ZNF888: variants seen among roughly 807,000 people sequenced by gnomAD.
ZNF888 encodes the protein CTD-2331H12.6.
Under a neutral mutation model 7.2 loss-of-function variants are expected in ZNF888, and 5 were observed. That is an observed-to-expected ratio of 0.70 (90% CI 0.36 to 1.46). The LOEUF (loss-of-function observed/expected upper bound fraction) is 1.46. Among genes scored for constraint, ZNF888 ranks in the 40% most tolerant of loss-of-function variants. The probability of loss-of-function intolerance (pLI) is 0.03; values close to 1 mark genes in which losing one functional copy is unlikely to be tolerated. For synonymous variants in ZNF888, 240 were observed against 284.3 expected, an observed-to-expected ratio of 0.84 and a Z score of 1.57; for missense variants, 716 against 858.0, an observed-to-expected ratio of 0.83 and a Z score of 2.07.
In ZNF888 at chr19:52,917,524, G is replaced by A; in HGVS notation, c.15+335C>T. On this transcript the variant is annotated intron_variant, in intron 3 of 4. Coordinates refer to ENST00000638862, the MANE Select transcript of ZNF888 (RefSeq NM_001393938.1). Reference sequence around the variant, plus strand: ...TCCATTGGCAGCTACTCTAATCTTGGTCCACAGAAAACTGACAGTGCATCC... The same window carrying A: ...TCCATTGGCAGCTACTCTAATCTTGATCCACAGAAAACTGACAGTGCATCC... 10 of 659,078 alleles carry A rather than the reference G, an allele frequency of 1.5e-5. No homozygotes were observed. In the South Asian group the frequency reaches 1.7e-4, roughly 11 times the overall value. The allele number at this position is 659,078 out of a possible 1,614,324, so 40.8% of individuals were successfully genotyped here.
Position 52,906,618 on chromosome 19 carries a change from A to G in ZNF888, c.1704T>C (p.His568=), listed in dbSNP as rs1202059542. 4 of 1,613,590 alleles carry G rather than the reference A, an allele frequency of 2.5e-6. No individual in the cohort carries two copies. Among genetic ancestry groups the G allele is most frequent in the East Asian group, 4.5e-5 (2 of 44,806 alleles). The change falls in exon 5 of 5, where the codon CAT becomes CAC. Residue 568 remains histidine, a synonymous_variant. Coordinates refer to ENST00000638862, the MANE Select transcript of ZNF888 (RefSeq NM_001393938.1). ...GTTTCTCTCCAGTATGAAGTCTATG[A>G]TGATATGCAAGGCTTGATTTGTGAT... ...SFNHKSSLAY[H]HRLHTGEKPY...
rs962233073 is a variant in ZNF888 at position 52,907,096 on chromosome 19, G to A, written c.1226C>T (p.Pro409Leu). 6.2e-7 allele frequency: 1 copy of A among 1,611,780 alleles called. No individual in the cohort carries two copies. The highest frequency in any genetic ancestry group is 8.5e-7 in the Non-Finnish European group (1 of 1,179,530). The change falls in exon 5 of 5, where the codon CCT (proline) becomes CTT (leucine). Residue 409 changes from proline (P) to leucine (L), a missense_variant. Pro to Leu is a moderately conservative substitution (Grantham distance 98). Transcript: ENST00000638862. Reference protein sequence around the residue: ...QHIVIHTREKPYKCNECGKTF... With the variant: ...QHIVIHTREKLYKCNECGKTF... ...TTTGCCACACTCATTACACTTGTAA[G>A]GTTTCTCTCTAGTGTGAATTACAAT...
rs545420574 is a variant in ZNF888 at position 52,907,202 on chromosome 19, T to C, written c.1120A>G (p.Arg374Gly). The C allele has an allele frequency of 8.2e-4, 1,325 of 1,613,290 alleles. 3 individuals are homozygous for C. The highest frequency in any genetic ancestry group is 1.1e-3 in the Non-Finnish European group (1,241 of 1,179,784). Residue 374 changes from arginine to glycine, a missense_variant, in exon 5 of 5, where the codon AGA becomes GGA. Physicochemically the swap from Arg to Gly is moderately radical, Grantham distance 125 (BLOSUM62 -2). Transcript: ENST00000638862. ...SRKSYLERHR[R>G]IHTGEKPYKC... ...TATGGTTTCTCACCAGTGTGAATTC[T>C]CCTATGTCTTTCAAGGTATGATTTG...
chr19:52,911,463 T>C (rs1006509026), intron 4 of ZNF888, among the ~76,000 whole-genome samples: 16 of 151,184 alleles, frequency 1.1e-4, no homozygotes, highest in East Asian at 6.0e-4. Context: ...CTCAGCCTCC[T>C]GAGTAGCTGG....
rs1185940152 is a variant in ZNF888, at chr19:52,906,243, A to G, written c.2079T>C (p.Ser693=). Residue 693 remains serine, a synonymous_variant, in exon 5 of 5, where the codon AGT becomes AGC. Transcript: ENST00000638862. ...GTGCACGAAAGGCTTTGCCACACTC[A>G]CTACACTTGAAAGGTTTCTCTCCAG... The part of the protein sequence containing the change: ...IHTGEKPFKC[S]ECGKAFRAQS... 45 of 1,601,844 alleles carry G rather than the reference A, an allele frequency of 2.8e-5. No homozygotes were observed. Among genetic ancestry groups the G allele is most frequent in the Non-Finnish European group, 3.8e-5 (45 of 1,178,032 alleles).
In ZNF888 at chr19:52,906,482, C is replaced by T. The variant is rs1200005500; in HGVS notation, c.1840G>A (p.Val614Ile). 1 of 1,613,504 alleles carries T rather than the reference C, an allele frequency of 6.2e-7. No homozygotes were observed. Among genetic ancestry groups the T allele is most frequent in the South Asian group, 1.1e-5 (1 of 91,032 alleles). The change falls in exon 5 of 5, where the codon GTT (valine) becomes ATT (isoleucine). Residue 614 changes from valine to isoleucine, a missense_variant. Physicochemically the swap from Val to Ile is conservative, Grantham distance 29. Coordinates refer to ENST00000638862, the MANE Select transcript of ZNF888 (RefSeq NM_001393938.1). ...TCAAGGTGTGATTTGATATTGAAAA[C>T]TTTGTCACATTCTTCACATTTGTAA... The part of the protein sequence containing the change: ...KPYKCEECDK[V>I]FNIKSHLEIH...
In ZNF888 at chr19:52,907,289, G is replaced by C. The variant is rs2064622017; in HGVS notation, c.1033C>G (p.His345Asp). The C allele has an allele frequency of 1.2e-6, 2 of 1,612,650 alleles. No individual in the cohort carries two copies. The highest frequency in any genetic ancestry group is 1.7e-6 in the Non-Finnish European group (2 of 1,179,658). Residue 345 changes from histidine to aspartate, a missense_variant, in exon 5 of 5, where the codon CAT (histidine) becomes GAT (aspartate). Coordinates refer to ENST00000638862, the MANE Select transcript of ZNF888 (RefSeq NM_001393938.1). The part of the protein sequence containing the change: ...FNQQSNLARH[H>D]RVHTGEKPYQ... Reference sequence around the variant, plus strand: ...GGTTTCTCTCCAGTATGAACTCTATGATGACGTGCAAGGTTTGATTGTTGA... The same window carrying C: ...GGTTTCTCTCCAGTATGAACTCTATCATGACGTGCAAGGTTTGATTGTTGA...
At chr19:52,909,355 G>C (rs10414664) in intron 4 of ZNF888, among the ~76,000 whole-genome samples, 23,170 of 151,162 alleles carry the variant, frequency 0.15, 3,310 homozygotes, top group African/African-American at 0.38. Flanking sequence ...TCAAGCGAGT[G>C]TCTTGCCTCA....
chr19:52,918,100 C>T (rs1312601782), intron 2 of ZNF888, 169 bp from the exon 3 acceptor site: 1 of 1,412,580 alleles, frequency 7.1e-7, no homozygotes, highest in Admixed American at 2.9e-5. Flanking sequence ...GGAAAACTCC[C>T]ACTCCCCTTC....
intron 1 of ZNF888, among the ~76,000 whole-genome samples, chr19:52,922,707 C>T (rs1228729674): frequency 6.6e-6 from 1 of 152,200 alleles, no homozygotes; most frequent in Non-Finnish European, 1.5e-5. Context: ...GTCTCCTGAT[C>T]CCTTTGGCCC....
At chr19:52,922,583 T>C (rs1163108827) in intron 1 of ZNF888, among the ~76,000 whole-genome samples, 3 of 152,186 alleles carry the variant, frequency 2.0e-5, no homozygotes, top group Non-Finnish European at 4.4e-5. Flanking sequence ...TTTTCACTTT[T>C]GCTGTCTCTT....
At position 52,905,260 on chromosome 19, in the gene ZNF888, C is replaced by T. The variant is rs2064593288; in HGVS notation, c.*905G>A. ...GACATTACCTTGTGAAATTCCTTCTCCTGGCTCATCCTGGCTCAAAAACTC... is the reference window on the plus strand; with the variant it reads ...GACATTACCTTGTGAAATTCCTTCTTCTGGCTCATCCTGGCTCAAAAACTC... On this transcript the variant is annotated 3_prime_UTR_variant, in exon 5 of 5. Transcript: ENST00000638862. 6.6e-6 allele frequency: 1 copy of T among 152,288 alleles called. No homozygotes were observed. Among genetic ancestry groups the T allele is most frequent in the Admixed American group, 6.5e-5 (1 of 15,290 alleles). The allele number at this position is 152,288 out of a possible 1,614,324, so 9.4% of individuals were successfully genotyped here. A position where few individuals can be genotyped will look rare whatever the true frequency, so the allele number is the denominator to read the frequency against.
At position 52,905,586 on chromosome 19, in the gene ZNF888, A is replaced by C. The variant is rs535824842; in HGVS notation, c.*579T>G. 1.2e-4 allele frequency: 41 copies of C among 339,300 alleles called. No individual in the cohort carries two copies. The East Asian group carries it at 2.3e-3, about 19-fold the overall frequency. 21.0% of individuals were successfully genotyped at this position (339,300 alleles called of 1,614,324 possible). On this transcript the variant is annotated 3_prime_UTR_variant, in exon 5 of 5. Transcript: ENST00000638862. Reference sequence around the variant, plus strand: ...CACCTTGGCCTCCCACAGTGCTAGCATTACAGGTGTGAGCCACCGCACTCA... The same window carrying C: ...CACCTTGGCCTCCCACAGTGCTAGCCTTACAGGTGTGAGCCACCGCACTCA...
intron 4 of ZNF888, among the ~76,000 whole-genome samples, chr19:52,908,974 G>A (rs1004861313): frequency 5.3e-5 from 8 of 150,826 alleles, no homozygotes; most frequent in Non-Finnish European, 8.8e-5. Flanking sequence ...GCAAAACCCC[G>A]TCTCTACTAA....
chr19:52,908,170 G>A lies in ZNF888; in HGVS notation c.152C>T (p.Ser51Phe). 1.9e-6 allele frequency: 3 copies of A among 1,613,880 alleles called. No homozygotes were observed. Among genetic ancestry groups the A allele is most frequent in the Non-Finnish European group, 2.5e-6 (3 of 1,179,898 alleles). Residue 51 changes from serine (S) to phenylalanine (F), a missense_variant, in exon 5 of 5, where the codon TCC becomes TTC. Physicochemically the swap from Ser to Phe is radical, Grantham distance 155 (BLOSUM62 -2). Around this residue, in one of 2 missense-constraint regions of ZNF888, gnomAD observed 697 missense variants for 803.4 expected, o/e 0.87. Transcript: ENST00000638862. ...TGATGAGAACTCCATCATGCATTTG[G>A]AAGAGATATCTACAAAATATAAACG... ...YRNLVSLDISSKCMMEFSSIG... is the reference protein window; with the variant it reads ...YRNLVSLDISFKCMMEFSSIG...
At chr19:52,908,311 CA>C in intron 4 of ZNF888, 132 bp from the exon 5 acceptor site, 1 of 860,334 alleles carries the variant, frequency 1.2e-6, no homozygotes. Context: ...TTCAGGAACA[CA>C]AAAGGAGGAA....
chr19:52,909,539 G>A (rs902234020), intron 4 of ZNF888, among the ~76,000 whole-genome samples: 12 of 152,124 alleles, frequency 7.9e-5, no homozygotes, highest in African/African-American at 1.7e-4. Context: ...GAGCCACTGC[G>A]CCCGGGGGCA....
intron 3 of ZNF888, among the ~76,000 whole-genome samples, chr19:52,916,507 T>C (rs1406752064): frequency 6.6e-6 from 1 of 150,878 alleles, no homozygotes; most frequent in Non-Finnish European, 1.5e-5. Context: ...TGTATGTACA[T>C]GTGTGTGTGT....
At position 52,919,412 on chromosome 19, in the gene ZNF888, G is replaced by A. The variant is rs1239288361; in HGVS notation, c.-177-475C>T. ...TCTCCAGCTCCTAACCGCCAGCCTC[G>A]GCCTCCCGAGGTGCCGGGATTGCAG... On this transcript the variant is annotated intron_variant, in intron 1 of 4. Coordinates refer to ENST00000638862, the MANE Select transcript of ZNF888 (RefSeq NM_001393938.1). 5.8e-5 allele frequency among the ~76,000 whole-genome samples: 4 copies of A among 68,630 alleles called. 1 individual carries two copies. The highest frequency in any genetic ancestry group is 1.4e-4 in the Non-Finnish European group (4 of 28,870). 45.0% of individuals were successfully genotyped at this position (68,630 alleles called of 152,430 possible).
Sources: gnomAD v4.1 joint callset for allele counts (sites outside exome capture counted in the v4.1 genomes callset) on GRCh38, gnomAD v4.1.1 for gene constraint, gnomAD v4.1.1 regional missense constraint, MANE v1.5 for transcripts, NCBI Gene and HGNC (gene_info 2026-07-23, HGNC 2026-07-21) for gene names.